FBXO38: variants seen among roughly 807,000 people sequenced by gnomAD.
FBXO38 encodes F-box only protein 38.
In FBXO38, 53 loss-of-function variants were observed where a neutral mutation model predicts 131.9. That is an observed-to-expected ratio of 0.40 (90% CI 0.32 to 0.51). FBXO38 has a LOEUF of 0.51. FBXO38 is among the 20% of genes least tolerant of loss of function. The pLI, the probability that FBXO38 is intolerant of heterozygous loss-of-function variation, is 0.53. For missense variants in FBXO38, 1,076 were observed against 1,475.6 expected, an observed-to-expected ratio of 0.73 and a Z score of 4.44; for synonymous variants, 452 against 505.6, an observed-to-expected ratio of 0.89 and a Z score of 1.42.
chr5:148,388,854 G>A (rs1390950495), intron 1 of FBXO38, among the ~76,000 whole-genome samples: 1 of 152,146 alleles, frequency 6.6e-6, no homozygotes. Flanking sequence ...TTTTATTTGT[G>A]TTCACAACTT....
intron 19 of FBXO38, 27 bp from the exon 20 acceptor site, chr5:148,440,397 T>G (rs1754607410): frequency 1.4e-6 from 2 of 1,415,168 alleles, no homozygotes; most frequent in Non-Finnish European, 2.0e-6. Context: ...TTTGTAATTT[T>G]TACTTAATTT....
At position 148,442,210 on chromosome 5, in the gene FBXO38, G is replaced by C; in HGVS notation, c.*63G>C. Reference sequence around the variant, plus strand: ...CAAGTAGGGCCATCCAGCTGCCAGAGTGCTCCACAGGGACTTGAGGCATGC... The same window carrying C: ...CAAGTAGGGCCATCCAGCTGCCAGACTGCTCCACAGGGACTTGAGGCATGC... On this transcript the variant is annotated 3_prime_UTR_variant, in exon 22 of 22. Coordinates refer to ENST00000340253, the MANE Select transcript of FBXO38 (RefSeq NM_205836.3). The C allele has an allele frequency of 6.6e-7, 1 of 1,519,166 alleles. No homozygotes were observed. The highest frequency in any genetic ancestry group is 9.1e-7 in the Non-Finnish European group (1 of 1,104,812). The allele number at this position is 1,519,166 out of a possible 1,614,324, so 94.1% of individuals were successfully genotyped here.
At position 148,402,528 on chromosome 5, in the gene FBXO38, C is replaced by T. The variant is rs1186562521; in HGVS notation, c.592+15C>T. On this transcript the variant is annotated intron_variant, in intron 5 of 21. Coordinates refer to ENST00000340253, the MANE Select transcript of FBXO38 (RefSeq NM_205836.3). ...ACATTTAGTTGGTGAGTACATGTTT[C>T]TTGGGTCACTTGTAACTCCTTGAAA... is the stretch of plus-strand genomic sequence containing the variant. The T allele has an allele frequency of 6.3e-7, 1 of 1,578,846 alleles. No homozygotes were observed. Among genetic ancestry groups the T allele is most frequent in the East Asian group, 2.3e-5 (1 of 44,304 alleles).
At chr5:148,410,445 C>T (rs1752684077) in intron 8 of FBXO38, 190 bp from the exon 9 acceptor site, 3 of 626,934 alleles carry the variant, frequency 4.8e-6, no homozygotes, top group Admixed American at 3.5e-5. Context: ...TCCTTTTTGC[C>T]TTCAGCCATG....
intron 1 of FBXO38, chr5:148,385,045 A>G (rs868731077): frequency 6.6e-6 from 1 of 152,252 alleles, no homozygotes; most frequent in Admixed American, 6.5e-5. Context: ...CAAGTGAAGG[A>G]TAAAATAATA....
At chr5:148,441,855 A>G in intron 21 of FBXO38, 114 bp from the exon 22 acceptor site, 1 of 749,312 alleles carries the variant, frequency 1.3e-6, no homozygotes, top group Non-Finnish European at 2.0e-6. Flanking sequence ...CTATTCATGC[A>G]TCAGTTACAT....
intron 9 of FBXO38, chr5:148,410,986 A>G (rs1430774188): frequency 2.2e-6 from 1 of 450,714 alleles, no homozygotes; most frequent in African/African-American, 2.1e-5. Flanking sequence ...ATAGTTACTA[A>G]CAATACACCA....
In FBXO38 at chr5:148,428,131, T is replaced by G. The variant is rs536524071; in HGVS notation, c.2653+184T>G. On this transcript the variant is annotated intron_variant, in intron 15 of 21. Transcript: ENST00000340253. ...TTGGAGGGTGGGTGTGTAAAACAGT[T>G]TATAAAATGTCCAACCTGGAAAGCT... Among the ~76,000 whole-genome samples the G allele has an allele frequency of 1.5e-3, 222 of 152,306 alleles. 1 individual carries two copies. The South Asian group carries it at 0.018, about 13-fold the overall frequency.
intron 18 of FBXO38, among the ~76,000 whole-genome samples, 197 bp downstream of exon 18, chr5:148,438,695 C>T (rs1007921180): frequency 9.2e-5 from 14 of 152,082 alleles, no homozygotes; most frequent in African/African-American, 2.9e-4. Context: ...TAAAAGTTAC[C>T]TGTGGTTTAA....
intron 3 of FBXO38, among the ~76,000 whole-genome samples, chr5:148,400,107 A>AAT (rs1400888794): frequency 6.6e-6 from 1 of 151,848 alleles, no homozygotes; most frequent in South Asian, 2.1e-4. Context: ...AGTAGTTATC[A>AAT]ATATATACTT....
chr5:148,393,904 T>C (rs1386542643), intron 1 of FBXO38, among the ~76,000 whole-genome samples: 1 of 152,110 alleles, frequency 6.6e-6, no homozygotes, highest in African/African-American at 2.4e-5. Context: ...TGCTGATCAA[T>C]AGAACAGAAA....
chr5:148,391,937 A>C (rs974243866), intron 1 of FBXO38, among the ~76,000 whole-genome samples: 6 of 152,180 alleles, frequency 3.9e-5, no homozygotes, highest in Admixed American at 6.5e-5. Flanking sequence ...TTTTTAAAAA[A>C]AGTTTTAGGG....
At chr5:148,389,985 C>T (rs78353997) in intron 1 of FBXO38, 11,572 of 151,462 alleles carry the variant, frequency 0.076, 850 homozygotes, top group East Asian at 0.23. Context: ...GCCAAGATCG[C>T]GCCATTGCAC....
intron 12 of FBXO38, among the ~76,000 whole-genome samples, chr5:148,421,357 T>G (rs1240966333): frequency 2.6e-5 from 4 of 152,192 alleles, no homozygotes; most frequent in Non-Finnish European, 2.9e-5. Flanking sequence ...AAATTTTTAT[T>G]TTTGAAGCCT....
chr5:148,440,589 C>A, intron 20 of FBXO38, 62 bp downstream of exon 20: 1 of 992,858 alleles, frequency 1.0e-6, no homozygotes. Flanking sequence ...TCTGTAATCC[C>A]AGCGACTCAG....
At chr5:148,392,259 G>T (rs1220338980) in intron 1 of FBXO38, among the ~76,000 whole-genome samples, 1 of 152,138 alleles carries the variant, frequency 6.6e-6, no homozygotes, top group Non-Finnish European at 1.5e-5. Flanking sequence ...ACTGTATTGA[G>T]ATAAAATTGA....
At chr5:148,429,074 G>T (rs1753884113) in intron 15 of FBXO38, among the ~76,000 whole-genome samples, 1 of 152,086 alleles carries the variant, frequency 6.6e-6, no homozygotes, top group Non-Finnish European at 1.5e-5. Flanking sequence ...CCAACCATCT[G>T]AACTTTTTCA....
intron 14 of FBXO38, among the ~76,000 whole-genome samples, chr5:148,426,843 G>C (rs2113625870): frequency 6.6e-6 from 1 of 152,298 alleles, no homozygotes; most frequent in East Asian, 1.9e-4. Context: ...AGATGGAGTA[G>C]AGGACCAGGG....
chr5:148,398,898 A>C, intron 2 of FBXO38, 101 bp from the exon 3 acceptor site: 1 of 1,298,906 alleles, frequency 7.7e-7, no homozygotes. Flanking sequence ...ATCTTATTTC[A>C]TTTGAGTGGT....
Sources: gnomAD v4.1 joint callset for allele counts (sites outside exome capture counted in the v4.1 genomes callset) on GRCh38, gnomAD v4.1.1 for gene constraint, MANE v1.5 for transcripts, NCBI Gene and HGNC (gene_info 2026-07-23, HGNC 2026-07-21) for gene names.